The following PHACTR1 variants were observed in gnomAD, a reference collection of about 807,000 sequenced individuals.
The protein encoded by PHACTR1 is phosphatase and actin regulator 1, also known as RPEL repeat containing 1.
A neutral mutation model predicts 69.2 loss-of-function variants in PHACTR1; 16 were observed. The ratio of observed to expected loss-of-function variants is 0.23; its 90% CI spans 0.16 to 0.35. The LOEUF (loss-of-function observed/expected upper bound fraction) is 0.35. PHACTR1 is among the 10% of genes least tolerant of loss of function. The probability of loss-of-function intolerance (pLI) is 1.00; values close to 1 mark genes in which losing one functional copy is unlikely to be tolerated. For missense variants in PHACTR1, 510 were observed against 734.7 expected, an observed-to-expected ratio of 0.69 and a Z score of 3.54; for synonymous variants, 312 against 284.5, an observed-to-expected ratio of 1.10 and a Z score of -0.97.
At chr6:13,218,653 C>G (rs1249315079) in intron 8 of PHACTR1, among the ~76,000 whole-genome samples, 1 of 151,764 alleles carries the variant, frequency 6.6e-6, no homozygotes, top group Non-Finnish European at 1.5e-5. Context: ...GACCCCATCT[C>G]TACAAAAAAA....
In PHACTR1 at chr6:13,033,540, A is replaced by G. The variant is rs80138546; in HGVS notation, c.251-19825A>G. On this transcript the variant is annotated intron_variant, in intron 4 of 14. Transcript: ENST00000332995. ...CAGCCATACTTAGCAGTTATTGGCA[A>G]TTAGATAAAGAAAAAAGAATTTAAG... 1.1e-3 allele frequency among the ~76,000 whole-genome samples: 170 copies of G among 152,314 alleles called. 2 individuals are homozygous for G. The highest frequency in any genetic ancestry group is 4.1e-3 in the African/African-American group (169 of 41,582).
At position 12,737,591 on chromosome 6, in the gene PHACTR1, TTTCTTTC is replaced by T. The variant is rs1764451673; in HGVS notation, c.104-12050_104-12044del. On this transcript the variant is annotated intron_variant, in intron 3 of 14. Transcript: ENST00000332995. ...TAATACTTTACTGTGTATTTCTTTC[TTTCTTTC>T]TTTTTTTTTTTTAAGAGACAGGGTC... 2.9e-5 allele frequency among the ~76,000 whole-genome samples: 4 copies of T among 137,936 alleles called. No homozygotes were observed. The South Asian group carries it at 1.0e-3, about 35-fold the overall frequency. The allele number at this position is 137,936 out of a possible 152,430, so 90.5% of individuals were successfully genotyped here. A position where few individuals can be genotyped will look rare whatever the true frequency, so the allele number is the denominator to read the frequency against.
chr6:12,992,464 G>T (rs1310611944), intron 4 of PHACTR1, among the ~76,000 whole-genome samples: 1 of 152,080 alleles, frequency 6.6e-6, no homozygotes, highest in African/African-American at 2.4e-5. Context: ...GAACAATCAG[G>T]TTCCATAGAC....
intron 4 of PHACTR1, among the ~76,000 whole-genome samples, chr6:13,015,196 A>G (rs1800006603): frequency 1.3e-5 from 2 of 152,204 alleles, no homozygotes; most frequent in African/African-American, 4.8e-5. Flanking sequence ...TCTGAAGTGC[A>G]GAGTAATGAA....
intron 4 of PHACTR1, among the ~76,000 whole-genome samples, chr6:13,032,378 G>C (rs1274982977): frequency 6.6e-6 from 1 of 152,098 alleles, no homozygotes; most frequent in African/African-American, 2.4e-5. Flanking sequence ...GCATTTTACT[G>C]TAGCAGAAGA....
intron 10 of PHACTR1, among the ~76,000 whole-genome samples, chr6:13,249,335 A>C (rs1297627921): frequency 6.6e-6 from 1 of 152,070 alleles, no homozygotes; most frequent in Non-Finnish European, 1.5e-5. Flanking sequence ...TCTGAGGTGG[A>C]ATCACCCCAA....
intron 4 of PHACTR1, among the ~76,000 whole-genome samples, chr6:12,999,634 A>G (rs1430104339): frequency 6.6e-6 from 1 of 152,208 alleles, no homozygotes; most frequent in Non-Finnish European, 1.5e-5. Context: ...GTTGCATTAA[A>G]TATAGAATGT....
chr6:13,169,561 T>C (rs947480799), intron 6 of PHACTR1, among the ~76,000 whole-genome samples: 10 of 151,768 alleles, frequency 6.6e-5, no homozygotes, highest in African/African-American at 2.4e-4. Flanking sequence ...AACTAAGAAG[T>C]GGTCAAAAAA....
rs779787358 is a variant in PHACTR1, at chr6:13,287,097, G to C, written c.*19G>C. ...ACCTTAACAGTCGAATTCCTCTTGA[G>C]TGCTATGCTGTCTTCAAAACATAAA... On this transcript the variant is annotated 3_prime_UTR_variant, in exon 15 of 15. Transcript: ENST00000332995. The C allele has an allele frequency of 6.3e-7, 1 of 1,597,332 alleles. No homozygotes were observed.
intron 4 of PHACTR1, among the ~76,000 whole-genome samples, chr6:12,883,357 G>A (rs1783292367): frequency 6.6e-6 from 1 of 152,002 alleles, no homozygotes; most frequent in Admixed American, 6.5e-5. Context: ...TAGGATTATA[G>A]GTGCCCGCCA....
At chr6:12,766,552 G>A (rs1025057282) in intron 4 of PHACTR1, among the ~76,000 whole-genome samples, 7 of 152,158 alleles carry the variant, frequency 4.6e-5, no homozygotes, top group Non-Finnish European at 7.3e-5. Context: ...CAAGATTAGT[G>A]ACGTCATATT....
chr6:12,856,067 T>C (rs1378739006), intron 4 of PHACTR1, among the ~76,000 whole-genome samples: 3 of 152,058 alleles, frequency 2.0e-5, no homozygotes. Flanking sequence ...TTAATAATGA[T>C]GGTTTTAAGA....
intron 4 of PHACTR1, among the ~76,000 whole-genome samples, chr6:12,890,427 C>T (rs1210067022): frequency 2.0e-5 from 3 of 152,084 alleles, no homozygotes; most frequent in Non-Finnish European, 2.9e-5. Context: ...CTCTTCAAAA[C>T]CCTGAAATGG....
At position 13,168,132 on chromosome 6, in the gene PHACTR1, C is replaced by G. The variant is rs114265748; in HGVS notation, c.496+7848C>G. Among the ~76,000 whole-genome samples, 297 of 152,290 alleles carry G rather than the reference C, an allele frequency of 2.0e-3. 1 individual carries two copies. The highest frequency in any genetic ancestry group is 4.6e-3 in the Admixed American group (70 of 15,306). ...ACCTAGAAATGGCATTTTCTGAAAG[C>G]TGTGATTTGGAGTAACCATGTGAAA... On this transcript the variant is annotated intron_variant, in intron 6 of 14. Transcript: ENST00000332995.
intron 5 of PHACTR1, among the ~76,000 whole-genome samples, chr6:13,139,420 CCTG>C (rs1186721533): frequency 1.3e-5 from 2 of 152,092 alleles, no homozygotes; most frequent in Non-Finnish European, 2.9e-5. Flanking sequence ...TTTGCCAACA[CCTG>C]CTCTATTTAT....
At chr6:13,107,212 G>A (rs143907195) in intron 5 of PHACTR1, among the ~76,000 whole-genome samples, 136 of 152,254 alleles carry the variant, frequency 8.9e-4, no homozygotes, top group African/African-American at 3.0e-3. Flanking sequence ...TGACCTCCGA[G>A]GTTCAAGCAA....
At chr6:12,868,907 C>T (rs1253962384) in intron 4 of PHACTR1, among the ~76,000 whole-genome samples, 1 of 152,092 alleles carries the variant, frequency 6.6e-6, no homozygotes, top group Non-Finnish European at 1.5e-5. Flanking sequence ...GAATTCCAAG[C>T]AGAATTCCAA....
chr6:12,770,667 C>T (rs571292838), intron 4 of PHACTR1, among the ~76,000 whole-genome samples: 5 of 152,296 alleles, frequency 3.3e-5, no homozygotes, highest in Admixed American at 1.3e-4. Flanking sequence ...CTGCAGTGCA[C>T]CGAACTGGCC....
intron 4 of PHACTR1, among the ~76,000 whole-genome samples, chr6:12,900,270 C>T (rs1196357880): frequency 6.6e-6 from 1 of 151,942 alleles, no homozygotes; most frequent in Non-Finnish European, 1.5e-5. Flanking sequence ...TAAACAACTT[C>T]CATTTAGCTC....
Sources: allele counts gnomAD v4.1 joint callset (sites outside exome capture counted in the v4.1 genomes callset), GRCh38; gene constraint gnomAD v4.1.1; transcripts MANE v1.5; gene names NCBI Gene and HGNC (gene_info 2026-07-23, HGNC 2026-07-21).